Variants in SPOCK1 observed in about 807,000 individuals in gnomAD.
The protein encoded by SPOCK1 is SPARC (osteonectin), cwcv and kazal like domains proteoglycan 1, also known as testican-1.
Under a neutral mutation model 55.3 loss-of-function variants are expected in SPOCK1, and 23 were observed. The ratio of observed to expected loss-of-function variants is 0.42; its 90% CI spans 0.30 to 0.59. SPOCK1 has a LOEUF of 0.59. SPOCK1 is among the 20% of genes least tolerant of loss of function. The pLI, the probability that SPOCK1 is intolerant of heterozygous loss-of-function variation, is 0.22. For missense variants in SPOCK1, 499 were observed against 552.5 expected (o/e 0.90, Z 0.97); for synonymous variants, 226 against 221.0 (o/e 1.02, Z -0.20).
intron 6 of SPOCK1, among the ~76,000 whole-genome samples, chr5:137,026,691 C>T (rs540933239): frequency 2.0e-5 from 3 of 152,256 alleles, no homozygotes; most frequent in South Asian, 4.2e-4. Flanking sequence ...AATACAGAAC[C>T]GGCTTCAATA....
At chr5:137,449,886 C>CA (rs562723108) in intron 2 of SPOCK1, among the ~76,000 whole-genome samples, 14 of 52,906 alleles carry the variant, frequency 2.6e-4, no homozygotes, top group African/African-American at 7.1e-4. Context: ...GATGCTGTCT[C>CA]AAAAAAAAAA....
intron 3 of SPOCK1, among the ~76,000 whole-genome samples, chr5:137,182,098 A>G (rs1321151749): frequency 6.6e-6 from 1 of 152,236 alleles, no homozygotes; most frequent in African/African-American, 2.4e-5. Flanking sequence ...GAGACTGTGT[A>G]AAGTGTGTAG....
chr5:137,091,608 G>C (rs1252584546), intron 5 of SPOCK1, among the ~76,000 whole-genome samples: 2 of 152,184 alleles, frequency 1.3e-5, no homozygotes, highest in African/African-American at 4.8e-5. Flanking sequence ...CAGGCTCTCA[G>C]AGCCTCCCAC....
chr5:137,172,787 A>G (rs572673969), intron 3 of SPOCK1, among the ~76,000 whole-genome samples: 1 of 152,250 alleles, frequency 6.6e-6, no homozygotes, highest in South Asian at 2.1e-4. Flanking sequence ...GTGGGATGCA[A>G]CTGATCACCA....
chr5:137,337,273 G>C (rs1407237936), intron 2 of SPOCK1, among the ~76,000 whole-genome samples: 1 of 152,182 alleles, frequency 6.6e-6, no homozygotes, highest in African/African-American at 2.4e-5. Flanking sequence ...CTATAGGATG[G>C]GACTATGAGG....
At chr5:137,162,237 A>G (rs981438315) in intron 3 of SPOCK1, among the ~76,000 whole-genome samples, 68 of 150,882 alleles carry the variant, frequency 4.5e-4, no homozygotes, top group East Asian at 1.2e-3. Context: ...TCCAGGATTC[A>G]AGCAATTCTC....
intron 2 of SPOCK1, among the ~76,000 whole-genome samples, chr5:137,276,348 C>G (rs760206519): frequency 1.3e-5 from 2 of 152,234 alleles, no homozygotes; most frequent in Admixed American, 6.5e-5. Context: ...TCGTGGAAAG[C>G]CTTCCTTGTC....
chr5:137,307,332 G>C (rs1757715891), intron 2 of SPOCK1, among the ~76,000 whole-genome samples: 1 of 152,116 alleles, frequency 6.6e-6, no homozygotes, highest in East Asian at 1.9e-4. Flanking sequence ...AGCCACAATG[G>C]CACAGTTTTG....
intron 3 of SPOCK1, among the ~76,000 whole-genome samples, chr5:137,248,177 G>T (rs896951218): frequency 6.6e-6 from 1 of 152,138 alleles, no homozygotes; most frequent in Non-Finnish European, 1.5e-5. Flanking sequence ...TCATTACTAA[G>T]TGAGGAAATA....
At chr5:137,098,977 C>T (rs1300783038) in intron 5 of SPOCK1, among the ~76,000 whole-genome samples, 1 of 39,490 alleles carries the variant, frequency 2.5e-5, no homozygotes, top group Non-Finnish European at 7.4e-5. Flanking sequence ...GCAACACCAA[C>T]AAATGAGAGC....
At chr5:137,407,411 C>CT (rs1752121556) in intron 2 of SPOCK1, among the ~76,000 whole-genome samples, 1 of 152,150 alleles carries the variant, frequency 6.6e-6, no homozygotes, top group Non-Finnish European at 1.5e-5. Flanking sequence ...TCAAACCTTC[C>CT]TGAGACACAG....
chr5:136,985,248 T>G (rs760537605), intron 8 of SPOCK1, 46 bp from the exon 9 acceptor site: 1 of 1,533,672 alleles, frequency 6.5e-7, no homozygotes, highest in East Asian at 2.3e-5. Context: ...GTATGGAGTA[T>G]AATCGCTAAT....
At chr5:137,279,174 C>T (rs1757125881) in intron 2 of SPOCK1, among the ~76,000 whole-genome samples, 2 of 152,204 alleles carry the variant, frequency 1.3e-5, no homozygotes, top group African/African-American at 4.8e-5. Flanking sequence ...CTAAAGCATA[C>T]TGCACTCTCT....
At chr5:137,339,068 G>A (rs1750355932) in intron 2 of SPOCK1, among the ~76,000 whole-genome samples, 1 of 152,120 alleles carries the variant, frequency 6.6e-6, no homozygotes, top group African/African-American at 2.4e-5. Flanking sequence ...AGTCAGAAGT[G>A]TACACCAGAT....
chr5:136,982,477 C>A (rs887916821), intron 9 of SPOCK1, among the ~76,000 whole-genome samples: 10 of 152,138 alleles, frequency 6.6e-5, no homozygotes, highest in African/African-American at 1.9e-4. Context: ...TTCCTACTTA[C>A]TAAGTTTTCT....
At chr5:137,457,791 C>T (rs939228395) in intron 2 of SPOCK1, among the ~76,000 whole-genome samples, 1 of 152,138 alleles carries the variant, frequency 6.6e-6, no homozygotes, top group Admixed American at 6.5e-5. Flanking sequence ...CTTGTCTAAT[C>T]ATCCCAGAGG....
At chr5:137,053,006 C>T (rs1429067612) in intron 6 of SPOCK1, among the ~76,000 whole-genome samples, 1 of 152,002 alleles carries the variant, frequency 6.6e-6, no homozygotes, top group Non-Finnish European at 1.5e-5. Flanking sequence ...TCCAGCATGC[C>T]TTGTTGGCTG....
chr5:137,052,007 T>C (rs765574837), intron 6 of SPOCK1, among the ~76,000 whole-genome samples: 30 of 152,154 alleles, frequency 2.0e-4, no homozygotes, highest in Non-Finnish European at 4.3e-4. Flanking sequence ...AGATGGCCAT[T>C]GAGATGTAAG....
intron 2 of SPOCK1, among the ~76,000 whole-genome samples, chr5:137,448,345 AC>A (rs1455876408): frequency 6.6e-6 from 1 of 152,242 alleles, no homozygotes; most frequent in Non-Finnish European, 1.5e-5. Flanking sequence ...GAGAGGGCAC[AC>A]AATCTGAGAG....
Sources: gnomAD v4.1 joint callset for allele counts (sites outside exome capture counted in the v4.1 genomes callset) on GRCh38, gnomAD v4.1.1 for gene constraint, MANE v1.5 for transcripts, NCBI Gene and HGNC (gene_info 2026-07-23, HGNC 2026-07-21) for gene names.